VOPP1: variants seen among roughly 807,000 people sequenced by gnomAD.
VOPP1 encodes WW domain binding protein VOPP1.
A neutral mutation model predicts 23.5 loss-of-function variants in VOPP1; 8 were observed. The ratio of observed to expected loss-of-function variants is 0.34; its 90% CI spans 0.20 to 0.61. The LOEUF (loss-of-function observed/expected upper bound fraction) is 0.61, where lower values mean the gene tolerates loss of function less well. Among genes scored for constraint, VOPP1 ranks in the 20% least tolerant of loss-of-function variants. The pLI is 0.78. For missense variants in VOPP1, 174 were observed against 238.1 expected (o/e 0.73, Z 1.77); for synonymous variants, 83 against 97.3 (o/e 0.85, Z 0.86).
At chr7:55,548,032 A>C (rs1797442991) in intron 1 of VOPP1, among the ~76,000 whole-genome samples, 1 of 152,180 alleles carries the variant, frequency 6.6e-6, no homozygotes, top group Non-Finnish European at 1.5e-5. Context: ...GCCACCTAAG[A>C]CCGTGACCGC....
At chr7:55,482,150 A>G (rs1792760485) in intron 4 of VOPP1, among the ~76,000 whole-genome samples, 1 of 152,108 alleles carries the variant, frequency 6.6e-6, no homozygotes, top group Non-Finnish European at 1.5e-5. Flanking sequence ...TGCATATATT[A>G]GTAAATCTAT....
chr7:55,456,992 T>C (rs1444031181), intron 4 of VOPP1, among the ~76,000 whole-genome samples: 1 of 152,182 alleles, frequency 6.6e-6, no homozygotes, highest in Non-Finnish European at 1.5e-5. Flanking sequence ...TTAACTATAG[T>C]CACCCTACTG....
At chr7:55,483,145 T>C (rs1009669598) in intron 4 of VOPP1, among the ~76,000 whole-genome samples, 2 of 152,182 alleles carry the variant, frequency 1.3e-5, no homozygotes, top group Non-Finnish European at 2.9e-5. Flanking sequence ...CATCCTTCAA[T>C]GCTTGTGTCT....
At chr7:55,484,336 T>G (rs1390716138) in intron 4 of VOPP1, among the ~76,000 whole-genome samples, 1 of 152,202 alleles carries the variant, frequency 6.6e-6, no homozygotes, top group African/African-American at 2.4e-5. Flanking sequence ...TTCATCCTCG[T>G]GAGCCTCCTT....
At chr7:55,478,268 A>G (rs1334501396) in intron 4 of VOPP1, among the ~76,000 whole-genome samples, 1 of 152,244 alleles carries the variant, frequency 6.6e-6, no homozygotes, top group African/African-American at 2.4e-5. Flanking sequence ...CCTTAAAGTC[A>G]TAACCTCAAC....
At chr7:55,552,931 G>A (rs1797671119) in intron 1 of VOPP1, 2 of 850,566 alleles carry the variant, frequency 2.4e-6, no homozygotes, top group East Asian at 3.7e-5. Context: ...GCTGCAAATT[G>A]CTGACAAATG....
At chr7:55,464,327 T>G (rs184368514) in intron 4 of VOPP1, among the ~76,000 whole-genome samples, 1 of 152,146 alleles carries the variant, frequency 6.6e-6, no homozygotes, top group Non-Finnish European at 1.5e-5. Flanking sequence ...GGCAGGTTGA[T>G]CCTCAGGTCC....
At chr7:55,498,171 G>A (rs1453141254) in intron 2 of VOPP1, among the ~76,000 whole-genome samples, 1 of 152,248 alleles carries the variant, frequency 6.6e-6, no homozygotes, top group African/African-American at 2.4e-5. Context: ...GTGTGGTCCT[G>A]GTCCTGCCAC....
At chr7:55,552,943 TA>T in intron 1 of VOPP1, 1 of 740,654 alleles carries the variant, frequency 1.4e-6, no homozygotes, top group Non-Finnish European at 1.9e-6. Context: ...TGACAAATGC[TA>T]AGGCGCTGTA....
At chr7:55,536,555 T>C (rs1796802430) in intron 1 of VOPP1, among the ~76,000 whole-genome samples, 1 of 152,018 alleles carries the variant, frequency 6.6e-6, no homozygotes, top group African/African-American at 2.4e-5. Flanking sequence ...AGGCAAGATT[T>C]ACCACCATGA....
At chr7:55,510,509 G>C (rs1174696078) in intron 2 of VOPP1, among the ~76,000 whole-genome samples, 2 of 151,274 alleles carry the variant, frequency 1.3e-5, no homozygotes, top group African/African-American at 4.9e-5. Context: ...GCCCAGGAAA[G>C]GCCTAGGCAA....
At chr7:55,547,299 G>A (rs1797408334) in intron 1 of VOPP1, among the ~76,000 whole-genome samples, 1 of 152,158 alleles carries the variant, frequency 6.6e-6, no homozygotes, top group Non-Finnish European at 1.5e-5. Flanking sequence ...CCTTCCCCCT[G>A]GGGCTACATG....
At chr7:55,500,848 T>C (rs114954397) in intron 2 of VOPP1, among the ~76,000 whole-genome samples, 332 of 152,354 alleles carry the variant, frequency 2.2e-3, no homozygotes, top group African/African-American at 7.7e-3. Context: ...AAGAGTGGAC[T>C]TGGCCAGCAT....
chr7:55,487,414 T>G (rs1793222906), intron 4 of VOPP1, among the ~76,000 whole-genome samples: 2 of 152,172 alleles, frequency 1.3e-5, no homozygotes, highest in South Asian at 4.1e-4. Context: ...CTCCGCAATC[T>G]CTCTCTATGT....
intron 2 of VOPP1, chr7:55,516,132 C>T: frequency 2.2e-6 from 1 of 461,918 alleles, no homozygotes; most frequent in Non-Finnish European, 2.8e-6. Flanking sequence ...GAGCAGACAC[C>T]TAGTAAGCCC....
At chr7:55,520,941 C>T (rs1795803444) in intron 2 of VOPP1, 131 bp downstream of exon 2, 2 of 924,508 alleles carry the variant, frequency 2.2e-6, no homozygotes, top group South Asian at 3.3e-5. Flanking sequence ...CCCAGTGAGG[C>T]AAGCCTGGCA....
At chr7:55,565,020 T>G (rs1798118511) in intron 1 of VOPP1, among the ~76,000 whole-genome samples, 1 of 152,258 alleles carries the variant, frequency 6.6e-6, no homozygotes, top group South Asian at 2.1e-4. Flanking sequence ...ATCTCTTTGT[T>G]CTGGTCTGAG....
Position 55,489,441 on chromosome 7 carries a change from G to A in VOPP1, c.328+2841C>T, listed in dbSNP as rs1011133479. On this transcript the variant is annotated intron_variant, in intron 4 of 4. Transcript: ENST00000285279. ...TTCCGTGGGAAGCCTTCCTGGAGTT[G>A]TGCACCAGATGGAGTCTCCTACTTA... is the stretch of plus-strand genomic sequence containing the variant. Among the ~76,000 whole-genome samples, 73 of 152,228 alleles carry A rather than the reference G, an allele frequency of 4.8e-4. 1 individual carries two copies. Among genetic ancestry groups the A allele is most frequent in the Admixed American group, 2.0e-3 (30 of 15,290 alleles).
intron 4 of VOPP1, among the ~76,000 whole-genome samples, chr7:55,438,537 C>T (rs950021541): frequency 2.6e-5 from 4 of 152,128 alleles, no homozygotes; most frequent in South Asian, 2.1e-4. Flanking sequence ...AGTCAACACT[C>T]GGAGAAAGTG....
Sources: allele counts gnomAD v4.1 joint callset (sites outside exome capture counted in the v4.1 genomes callset), GRCh38; gene constraint gnomAD v4.1.1; transcripts MANE v1.5; gene names NCBI Gene and HGNC (gene_info 2026-07-23, HGNC 2026-07-21).